Variants in SLCO1A2 observed in about 807,000 individuals in gnomAD.
The protein encoded by SLCO1A2 is OATP-1.
A neutral mutation model predicts 69.0 loss-of-function variants in SLCO1A2; 67 were observed. That is an observed-to-expected ratio of 0.97 (90% CI 0.80 to 1.19). The LOEUF (loss-of-function observed/expected upper bound fraction) is 1.19, where lower values mean the gene tolerates loss of function less well. Ranked by LOEUF, SLCO1A2 falls within the 50% of genes most tolerant of loss-of-function variation. The pLI, the probability that SLCO1A2 is intolerant of heterozygous loss-of-function variation, is 0.00. For missense variants in SLCO1A2, 787 were observed against 793.7 expected, an observed-to-expected ratio of 0.99 and a Z score of 0.10; for synonymous variants, 260 against 265.9, an observed-to-expected ratio of 0.98 and a Z score of 0.22.
rs769509429 is a variant in SLCO1A2 at position 21,304,515 on chromosome 12, T to C, written c.501A>G (p.Val167=). The C allele has an allele frequency of 6.2e-6, 10 of 1,613,160 alleles. No individual in the cohort carries two copies. The South Asian group carries it at 9.9e-5, about 16-fold the overall frequency. The change falls in exon 6 of 15, where the codon GTA becomes GTG. Residue 167 remains valine, a synonymous_variant. Coordinates refer to ENST00000683939, the MANE Select transcript of SLCO1A2 (RefSeq NM_001386879.1). ...MWVYVLVGNI[V]RGMGETPILP... is the part of the protein sequence containing the mutation. ...GGATGGGAGTTTCACCCATTCCACG[T>C]ACAATATTGCCTACTAGGACGTACA...
At chr12:21,407,821 GAAA>G (rs71043274) in intron 1 of SLCO1A2, among the ~76,000 whole-genome samples, 3 of 110,006 alleles carry the variant, frequency 2.7e-5, no homozygotes, top group Admixed American at 9.2e-5. Context: ...AAAAATAAAT[GAAA>G]AAAAAAAAAA....
intron 1 of SLCO1A2, among the ~76,000 whole-genome samples, chr12:21,407,903 G>A (rs1941848336): frequency 6.6e-6 from 1 of 151,978 alleles, no homozygotes; most frequent in Non-Finnish European, 1.5e-5. Context: ...AATCGCTACT[G>A]CAAAAGCCCA....
At chr12:21,306,443 G>A (rs754165778) in intron 5 of SLCO1A2, among the ~76,000 whole-genome samples, 7 of 151,680 alleles carry the variant, frequency 4.6e-5, no homozygotes, top group Non-Finnish European at 1.0e-4. Flanking sequence ...CTCCAGCCTC[G>A]GCCTCCTGAG....
At chr12:21,369,319 C>A (rs1565519354) in intron 2 of SLCO1A2, among the ~76,000 whole-genome samples, 1 of 152,232 alleles carries the variant, frequency 6.6e-6, no homozygotes, top group East Asian at 1.9e-4. Flanking sequence ...ACTTCTCTAA[C>A]TCCTCAGCAA....
intron 2 of SLCO1A2, chr12:21,373,327 T>A (rs748052544): frequency 1.7e-5 from 26 of 1,526,834 alleles, no homozygotes; most frequent in Non-Finnish European, 2.2e-5. Flanking sequence ...TGCTGGATTA[T>A]TCTTTGCAGA....
intron 1 of SLCO1A2, among the ~76,000 whole-genome samples, chr12:21,393,720 T>C (rs1054807188): frequency 6.6e-6 from 1 of 152,148 alleles, no homozygotes; most frequent in African/African-American, 2.4e-5. Context: ...CTAGATAAAA[T>C]TGTAAGGTAT....
At chr12:21,272,431 TG>T (rs1447319925) in intron 14 of SLCO1A2, among the ~76,000 whole-genome samples, 1 of 151,868 alleles carries the variant, frequency 6.6e-6, no homozygotes, top group Non-Finnish European at 1.5e-5. Context: ...TATAAATTTT[TG>T]TTTTGTATAT....
chr12:21,365,827 T>C (rs1158509560), intron 2 of SLCO1A2, among the ~76,000 whole-genome samples: 1 of 152,118 alleles, frequency 6.6e-6, no homozygotes, highest in Non-Finnish European at 1.5e-5. Context: ...ATCAGAGAAA[T>C]GCACATCAAA....
At chr12:21,382,862 A>T (rs942817880) in intron 1 of SLCO1A2, among the ~76,000 whole-genome samples, 5 of 152,112 alleles carry the variant, frequency 3.3e-5, no homozygotes, top group Admixed American at 3.3e-4. Flanking sequence ...CTTATCTAAG[A>T]TCACATAGTC....
intron 2 of SLCO1A2, among the ~76,000 whole-genome samples, chr12:21,367,860 A>C (rs1939506174): frequency 6.6e-6 from 1 of 152,164 alleles, no homozygotes; most frequent in Admixed American, 6.5e-5. Flanking sequence ...CAAAAAAATG[A>C]AAAAGAAAAA....
At chr12:21,395,760 C>T (rs546651636), upstream of SLCO1A2, among the ~76,000 whole-genome samples, 2 of 152,292 alleles carry the variant, frequency 1.3e-5, no homozygotes, top group South Asian at 2.1e-4. Context: ...CCAGCAGGGG[C>T]ACACTGACAC....
At chr12:21,352,027 C>T (rs1591871519) in intron 2 of SLCO1A2, among the ~76,000 whole-genome samples, 2 of 152,048 alleles carry the variant, frequency 1.3e-5, no homozygotes, top group East Asian at 3.9e-4. Context: ...AACGAAATCT[C>T]GGAATAAAAT....
upstream of SLCO1A2, among the ~76,000 whole-genome samples, chr12:21,337,112 T>C (rs1952916659): frequency 6.6e-6 from 1 of 152,050 alleles, no homozygotes; most frequent in African/African-American, 2.4e-5. Flanking sequence ...CTCTCTTACA[T>C]TTTTAAGTGC....
At chr12:21,318,269 C>CTA (rs1288303606) in intron 3 of SLCO1A2, among the ~76,000 whole-genome samples, 1 of 152,032 alleles carries the variant, frequency 6.6e-6, no homozygotes, top group African/African-American at 2.4e-5. Context: ...CAGGCGCCCG[C>CTA]CACCATACCC....
At chr12:21,359,649 A>G (rs1430311513) in intron 2 of SLCO1A2, among the ~76,000 whole-genome samples, 1 of 151,944 alleles carries the variant, frequency 6.6e-6, no homozygotes, top group Non-Finnish European at 1.5e-5. Context: ...CGGGAGGCTG[A>G]GGCAGGAGAA....
At chr12:21,328,927 C>T (rs899483420) in intron 2 of SLCO1A2, among the ~76,000 whole-genome samples, 1 of 152,118 alleles carries the variant, frequency 6.6e-6, no homozygotes, top group African/African-American at 2.4e-5. Context: ...GCATATGAAG[C>T]ATATCAACTA....
intron 14 of SLCO1A2, among the ~76,000 whole-genome samples, chr12:21,270,178 G>A (rs1269258688): frequency 3.3e-5 from 5 of 151,734 alleles, no homozygotes; most frequent in Admixed American, 3.3e-4. Context: ...ACCTTGATCA[G>A]ATTAAGGAAG....
At chr12:21,347,669 A>AAAGAAAGG (rs1555122066) in intron 2 of SLCO1A2, among the ~76,000 whole-genome samples, 3 of 113,422 alleles carry the variant, frequency 2.6e-5, no homozygotes, top group African/African-American at 1.2e-4. Context: ...AGAAAGAAAG[A>AAAGAAAGG]AAGGAAGGAA....
intron 2 of SLCO1A2, among the ~76,000 whole-genome samples, chr12:21,371,820 T>C (rs1012204117): frequency 2.0e-4 from 30 of 152,052 alleles, no homozygotes; most frequent in Middle Eastern, 6.8e-3. Context: ...CTGACCAACA[T>C]AGAGAATCCC....
Sources: allele counts gnomAD v4.1 joint callset (sites outside exome capture counted in the v4.1 genomes callset), GRCh38; gene constraint gnomAD v4.1.1; transcripts MANE v1.5; gene names NCBI Gene and HGNC (gene_info 2026-07-23, HGNC 2026-07-21).